The following CPQ variants were observed in gnomAD, a reference collection of about 807,000 sequenced individuals.
CPQ encodes the protein carboxypeptidase Q.
Under a neutral mutation model 45.7 loss-of-function variants are expected in CPQ, and 37 were observed. The observed-to-expected ratio is 0.81, with a 90% CI of 0.62 to 1.07. The LOEUF is 1.07. Among genes scored for constraint, CPQ ranks in the 50% least tolerant of loss-of-function variants. The pLI, the probability that CPQ is intolerant of heterozygous loss-of-function variation, is 0.00. For synonymous variants in CPQ, 186 were observed against 205.8 expected, an observed-to-expected ratio of 0.90 and a Z score of 0.82; for missense variants, 537 against 572.9, an observed-to-expected ratio of 0.94 and a Z score of 0.64.
chr8:96,850,694 C>G (rs147078400), intron 3 of CPQ, among the ~76,000 whole-genome samples: 1 of 151,920 alleles, frequency 6.6e-6, no homozygotes, highest in Admixed American at 6.6e-5. Context: ...ACCACAACCT[C>G]TGTCTCCAGG....
intron 4 of CPQ, among the ~76,000 whole-genome samples, chr8:96,896,474 T>C (rs1812444391): frequency 6.6e-6 from 1 of 152,186 alleles, no homozygotes; most frequent in African/African-American, 2.4e-5. Context: ...TTCCTCATAC[T>C]GACCCCCTTT....
At chr8:96,906,348 T>C (rs2130900831) in intron 4 of CPQ, among the ~76,000 whole-genome samples, 1 of 152,278 alleles carries the variant, frequency 6.6e-6, no homozygotes, top group South Asian at 2.1e-4. Context: ...AAAGAGGTAA[T>C]GCTAGTTACT....
At chr8:97,112,876 C>T (rs956996004) in intron 7 of CPQ, among the ~76,000 whole-genome samples, 1 of 152,182 alleles carries the variant, frequency 6.6e-6, no homozygotes, top group Non-Finnish European at 1.5e-5. Context: ...CTGGGATAAT[C>T]GTAGCACACC....
At position 96,835,130 on chromosome 8, in the gene CPQ, G is replaced by T. The variant is rs1864384; in HGVS notation, c.591G>T (p.Val197=). The change falls in exon 3 of 8, where the codon GTG becomes GTT. Residue 197 remains valine, a synonymous_variant. Coordinates refer to ENST00000220763, the MANE Select transcript of CPQ (RefSeq NM_016134.4). ...RTQGAVEAAK[V]GALASLIRSV... The stretch of plus-strand genomic sequence containing the variant: ...AGGGGGCGGTGGAAGCTGCCAAGGT[G>T]GGGGCTTTGGCATCTCTCATTCGAT... 0.64 allele frequency: 1,005,915 copies of T among 1,575,996 alleles called. 326,283 individuals carry two copies. The highest frequency in any genetic ancestry group is 0.84 in the East Asian group (35,667 of 42,324).
chr8:96,914,036 CAA>C (rs141743104), intron 4 of CPQ, among the ~76,000 whole-genome samples: 2,474 of 152,150 alleles, frequency 0.016, 68 homozygotes, highest in African/African-American at 0.056. Flanking sequence ...GATATGTAGA[CAA>C]AACAGATTTT....
intron 4 of CPQ, among the ~76,000 whole-genome samples, chr8:96,963,811 G>C (rs1466064671): frequency 6.6e-6 from 1 of 151,994 alleles, no homozygotes; most frequent in Non-Finnish European, 1.5e-5. Context: ...ACCCCAAAAG[G>C]TTTCCTCTAC....
At chr8:96,783,282 T>TGTGTGTGTGCGTGC (rs1282570815) in intron 1 of CPQ, among the ~76,000 whole-genome samples, 138 of 152,182 alleles carry the variant, frequency 9.1e-4, no homozygotes, top group African/African-American at 3.3e-3. Flanking sequence ...TGTGTGTGTG[T>TGTGTGTGTGCGTGC]GTGCTGCTTT....
intron 5 of CPQ, among the ~76,000 whole-genome samples, chr8:96,978,614 A>G (rs1813829943): frequency 6.6e-6 from 1 of 152,188 alleles, no homozygotes; most frequent in South Asian, 2.1e-4. Context: ...CCTTTTCTAC[A>G]GCATGCTTAG....
chr8:96,977,612 G>GTA (rs746020744), intron 5 of CPQ, among the ~76,000 whole-genome samples: 41 of 152,024 alleles, frequency 2.7e-4, no homozygotes, highest in African/African-American at 3.9e-4. Context: ...TCAATGATGG[G>GTA]TATATATATA....
At chr8:97,118,600 G>A (rs1214378006) in intron 7 of CPQ, among the ~76,000 whole-genome samples, 2 of 152,170 alleles carry the variant, frequency 1.3e-5, no homozygotes, top group East Asian at 1.9e-4. Context: ...AAGTGATAAT[G>A]TAGGAAGCAT....
intron 7 of CPQ, among the ~76,000 whole-genome samples, chr8:97,140,037 A>G (rs1291705209): frequency 6.6e-6 from 1 of 151,814 alleles, no homozygotes; most frequent in Non-Finnish European, 1.5e-5. Flanking sequence ...GAAGACACTG[A>G]TAATCAACAT....
intron 5 of CPQ, among the ~76,000 whole-genome samples, chr8:97,027,909 G>A (rs930085583): frequency 6.6e-6 from 1 of 152,134 alleles, no homozygotes; most frequent in Non-Finnish European, 1.5e-5. Flanking sequence ...GACCCTCCTG[G>A]CTACAGTGTG....
intron 4 of CPQ, among the ~76,000 whole-genome samples, chr8:96,920,963 G>A (rs1812798223): frequency 6.6e-6 from 1 of 152,168 alleles, no homozygotes; most frequent in African/African-American, 2.4e-5. Flanking sequence ...GGTTGGCATT[G>A]AGGAGCAAAA....
chr8:96,928,165 C>G (rs931046079), intron 4 of CPQ, among the ~76,000 whole-genome samples: 1 of 152,048 alleles, frequency 6.6e-6, no homozygotes, highest in African/African-American at 2.4e-5. Context: ...CATTTTCTAT[C>G]GTAAGACAGA....
chr8:96,830,984 G>C (rs1811450518), intron 2 of CPQ, among the ~76,000 whole-genome samples: 1 of 152,152 alleles, frequency 6.6e-6, no homozygotes, highest in Admixed American at 6.6e-5. Context: ...GCACCTAGCA[G>C]TTATGTGAAC....
At chr8:96,887,094 G>A (rs955288944) in intron 4 of CPQ, among the ~76,000 whole-genome samples, 2 of 152,024 alleles carry the variant, frequency 1.3e-5, no homozygotes, top group African/African-American at 2.4e-5. Flanking sequence ...TCTTTATGAC[G>A]CCTTGTTCCC....
chr8:96,983,287 T>G (rs1813938958), intron 5 of CPQ, among the ~76,000 whole-genome samples: 1 of 152,214 alleles, frequency 6.6e-6, no homozygotes, highest in South Asian at 2.1e-4. Context: ...GTCTTTCTTA[T>G]TTTCTAATGT....
chr8:96,963,201 T>G (rs536251164), intron 4 of CPQ, among the ~76,000 whole-genome samples: 107 of 152,310 alleles, frequency 7.0e-4, no homozygotes, highest in Middle Eastern at 3.4e-3. Context: ...GAGAAAAAGT[T>G]TATTGAAGCA....
At chr8:97,044,928 G>T (rs1240283549) in intron 6 of CPQ, among the ~76,000 whole-genome samples, 2 of 152,144 alleles carry the variant, frequency 1.3e-5, no homozygotes, top group African/African-American at 4.8e-5. Context: ...CTGCTGGGGG[G>T]TCAGGGGTCA....
Sources: allele counts gnomAD v4.1 joint callset (sites outside exome capture counted in the v4.1 genomes callset), GRCh38; gene constraint gnomAD v4.1.1; transcripts MANE v1.5; gene names NCBI Gene and HGNC (gene_info 2026-07-23, HGNC 2026-07-21).